ODAD2: variants seen among roughly 807,000 people sequenced by gnomAD.
ODAD2 encodes outer dynein arm-docking complex subunit 2.
Under a neutral mutation model 106.8 loss-of-function variants are expected in ODAD2, and 89 were observed. The ratio of observed to expected loss-of-function variants is 0.83; its 90% CI spans 0.70 to 0.99. The LOEUF is 0.99. Ranked by LOEUF, ODAD2 falls within the 50% of genes least tolerant of loss-of-function variation. The pLI is 0.00. For missense variants in ODAD2, 1,168 were observed against 1,238.5 expected (o/e 0.94, Z 0.85); for synonymous variants, 404 against 436.2 (o/e 0.93, Z 0.92).
chr10:27,926,764 T>C (rs1274671633), intron 16 of ODAD2, among the ~76,000 whole-genome samples: 1 of 152,152 alleles, frequency 6.6e-6, no homozygotes, highest in East Asian at 1.9e-4. Context: ...TTAACTTAAA[T>C]TTTTTTAGTT....
At chr10:27,928,719 A>G (rs1035104277) in intron 16 of ODAD2, among the ~76,000 whole-genome samples, 1 of 151,722 alleles carries the variant, frequency 6.6e-6, no homozygotes, top group Non-Finnish European at 1.5e-5. Flanking sequence ...TATACATACT[A>G]TGCAATCTGA....
chr10:27,827,408 T>C (rs1837152004), intron 19 of ODAD2, among the ~76,000 whole-genome samples: 1 of 110,766 alleles, frequency 9.0e-6, no homozygotes, highest in Admixed American at 9.6e-5. Flanking sequence ...TATATATATA[T>C]ATATTCCATG....
At chr10:27,866,950 C>T (rs953566533) in intron 17 of ODAD2, among the ~76,000 whole-genome samples, 1 of 152,072 alleles carries the variant, frequency 6.6e-6, no homozygotes, top group African/African-American at 2.4e-5. Context: ...TAGTCTCATA[C>T]ATTTGTCAAT....
chr10:27,924,000 A>AAGAG lies in ODAD2; in HGVS notation c.2495+11009_2495+11010insCTCT, dbSNP rs1564509068. ...AAAGAAAGAAAGAAAGAAAGAAAGA[A>AAGAG]AGAAAGAAAGAAAGAAAGAAAGAAG... On this transcript the variant is annotated intron_variant, in intron 16 of 19. Transcript: ENST00000305242. 1.1e-3 allele frequency among the ~76,000 whole-genome samples: 145 copies of AAGAG among 137,328 alleles called. 6 individuals carry two copies. Among genetic ancestry groups the AAGAG allele is most frequent in the African/African-American group, 3.6e-3 (132 of 36,580 alleles). The allele number at this position is 137,328 out of a possible 152,430, so 90.1% of individuals were successfully genotyped here.
chr10:27,881,152 T>C (rs1224401613), intron 17 of ODAD2, among the ~76,000 whole-genome samples: 13 of 152,242 alleles, frequency 8.5e-5, no homozygotes, highest in Admixed American at 8.5e-4. Context: ...CAGCAAGATG[T>C]CTGGTATATG....
At chr10:27,821,265 TA>T (rs150762743) in intron 19 of ODAD2, among the ~76,000 whole-genome samples, 3,736 of 152,280 alleles carry the variant, frequency 0.025, 173 homozygotes, top group African/African-American at 0.086. Context: ...GTTTTGCCGC[TA>T]ACTAACTGTA....
intron 19 of ODAD2, among the ~76,000 whole-genome samples, chr10:27,847,397 T>A (rs1838859272): frequency 6.6e-6 from 1 of 152,138 alleles, no homozygotes; most frequent in Non-Finnish European, 1.5e-5. Flanking sequence ...AAACTCTCAA[T>A]AAATTAGGTA....
chr10:27,993,129 G>T (rs1379973185), intron 2 of ODAD2, among the ~76,000 whole-genome samples: 1 of 152,018 alleles, frequency 6.6e-6, no homozygotes, highest in African/African-American at 2.4e-5. Context: ...TGGCCAGGCT[G>T]GTCTTGAACT....
intron 10 of ODAD2, among the ~76,000 whole-genome samples, chr10:27,952,977 CTTTG>C (rs1474967492): frequency 6.6e-6 from 1 of 151,964 alleles, no homozygotes; most frequent in Non-Finnish European, 1.5e-5. Flanking sequence ...TTGTTTTTCT[CTTTG>C]TTTTAGACAG....
upstream of ODAD2, chr10:27,999,167 A>G (rs1382596944): frequency 1.3e-5 from 2 of 152,094 alleles, no homozygotes; most frequent in African/African-American, 2.4e-5. Context: ...CCCTTTCTCA[A>G]ACACTTTTAT....
chr10:27,937,849 C>T (rs1175925695), intron 14 of ODAD2, among the ~76,000 whole-genome samples: 1 of 152,190 alleles, frequency 6.6e-6, no homozygotes, highest in Non-Finnish European at 1.5e-5. Context: ...TCAGTGGTTA[C>T]TCTGATGAGG....
intron 2 of ODAD2, among the ~76,000 whole-genome samples, chr10:27,994,147 A>G (rs1850406408): frequency 6.6e-6 from 1 of 152,004 alleles, no homozygotes; most frequent in African/African-American, 2.4e-5. Flanking sequence ...AATGAGATAG[A>G]TTGAGAGTTC....
intron 9 of ODAD2, among the ~76,000 whole-genome samples, chr10:27,963,156 C>T (rs1444502780): frequency 6.6e-6 from 1 of 151,988 alleles, no homozygotes; most frequent in African/African-American, 2.4e-5. Context: ...TACAGGCATG[C>T]GCCACCACAT....
chr10:27,949,866 A>C (rs1175308049), intron 10 of ODAD2, among the ~76,000 whole-genome samples: 1 of 152,112 alleles, frequency 6.6e-6, no homozygotes, highest in Non-Finnish European at 1.5e-5. Context: ...GAAACGTTTG[A>C]AAGGTTTTTA....
At chr10:27,940,416 T>C (rs1846323530) in intron 13 of ODAD2, 147 bp downstream of exon 13, 1 of 833,470 alleles carries the variant, frequency 1.2e-6, no homozygotes, top group East Asian at 2.6e-5. Context: ...TTAATTAACG[T>C]CCTATCAGTT....
intron 7 of ODAD2, among the ~76,000 whole-genome samples, chr10:27,976,611 G>A (rs1363709606): frequency 6.6e-6 from 1 of 152,084 alleles, no homozygotes. Flanking sequence ...CTAAATAAAT[G>A]GAGAGACATA....
At chr10:27,887,066 T>C (rs1170674063) in intron 17 of ODAD2, among the ~76,000 whole-genome samples, 1 of 151,958 alleles carries the variant, frequency 6.6e-6, no homozygotes, top group Non-Finnish European at 1.5e-5. Context: ...TCAAAATACA[T>C]TGGCAAAATG....
intron 15 of ODAD2, among the ~76,000 whole-genome samples, chr10:27,936,101 C>T (rs74127157): frequency 0.015 from 2,318 of 152,068 alleles, 38 homozygotes; most frequent in African/African-American, 0.042. Flanking sequence ...GTTAAATGGT[C>T]GGGACGTGAA....
In ODAD2 at chr10:27,826,074, T is replaced by C. The variant is rs146610504; in HGVS notation, c.3022-13449A>G. Among the ~76,000 whole-genome samples the C allele has an allele frequency of 2.0e-4, 31 of 152,340 alleles. 1 individual carries two copies. In the East Asian group the frequency reaches 5.8e-3, roughly 28 times the overall value. The stretch of plus-strand genomic sequence containing the variant: ...TATTATGGTCATACCCGGACCTTAG[T>C]AATACCAGTGACTGCTTCATCTCTG... On this transcript the variant is annotated intron_variant, in intron 19 of 19. Coordinates refer to ENST00000305242, the MANE Select transcript of ODAD2 (RefSeq NM_018076.5).
Sources: allele counts gnomAD v4.1 joint callset (sites outside exome capture counted in the v4.1 genomes callset), GRCh38; gene constraint gnomAD v4.1.1; transcripts MANE v1.5; gene names NCBI Gene and HGNC (gene_info 2026-07-23, HGNC 2026-07-21).